SHROOM4: variants seen among roughly 807,000 people sequenced by gnomAD.
SHROOM4 encodes the protein shroom family member 4.
SHROOM4 carries 17 observed loss-of-function variants against 80.3 expected under a neutral mutation model. That is an observed-to-expected ratio of 0.21 (90% CI 0.14 to 0.32). The LOEUF (loss-of-function observed/expected upper bound fraction) is 0.32. Among genes scored for constraint, SHROOM4 ranks in the 10% least tolerant of loss-of-function variants. The probability of loss-of-function intolerance (pLI) is 1.00; values close to 1 mark genes in which losing one functional copy is unlikely to be tolerated. For synonymous variants in SHROOM4, 400 were observed against 437.5 expected, an observed-to-expected ratio of 0.91 and a Z score of 1.07; for missense variants, 993 against 1,140.3, an observed-to-expected ratio of 0.87 and a Z score of 1.86.
intron 1 of SHROOM4, among the ~76,000 whole-genome samples, chrX:50,785,016 C>G (rs182138042): frequency 8.9e-6 from 1 of 111,874 alleles, no homozygotes; most frequent in East Asian, 2.8e-4. Context: ...AAAAGATGCT[C>G]AACATCATTA....
intron 1 of SHROOM4, among the ~76,000 whole-genome samples, chrX:50,740,092 A>G (rs1266758947): frequency 4.1e-5 from 3 of 73,475 alleles, no homozygotes; most frequent in African/African-American, 1.6e-4. Context: ...ACAAAAAACC[A>G]AACACCGCAT....
intron 2 of SHROOM4, among the ~76,000 whole-genome samples, chrX:50,663,286 A>G (rs1557260106): frequency 8.9e-6 from 1 of 111,771 alleles, no homozygotes; most frequent in African/African-American, 3.2e-5. Context: ...TAAATCCTTA[A>G]AGGTCTGACT....
intron 1 of SHROOM4, among the ~76,000 whole-genome samples, chrX:50,754,149 T>C (rs782103434): frequency 6.2e-4 from 70 of 112,023 alleles, no homozygotes; most frequent in Non-Finnish European, 1.5e-4. Flanking sequence ...TTTCTTTACA[T>C]AACTGCTAAT....
At chrX:50,734,605 G>A (rs1934440983) in intron 1 of SHROOM4, among the ~76,000 whole-genome samples, 1 of 110,349 alleles carries the variant, frequency 9.1e-6, no homozygotes, top group South Asian at 3.9e-4. Context: ...AGTACAAACG[G>A]GGTTTCACCA....
chrX:50,649,804 C>G (rs782635618), intron 2 of SHROOM4: 3 of 112,404 alleles, frequency 2.7e-5, no homozygotes, highest in African/African-American at 9.7e-5. Flanking sequence ...GAATTACACA[C>G]TTGAAATAGT....
chrX:50,790,075 G>T (rs1330000409), intron 1 of SHROOM4, among the ~76,000 whole-genome samples: 2 of 111,888 alleles, frequency 1.8e-5, no homozygotes, highest in Non-Finnish European at 3.8e-5. Flanking sequence ...GCTAAACATA[G>T]AAAAAGTATA....
chrX:50,602,509 G>A, intron 7 of SHROOM4, 124 bp downstream of exon 7: 1 of 685,652 alleles, frequency 1.5e-6, no homozygotes, highest in Non-Finnish European at 2.4e-6. Flanking sequence ...CAGAGAGGCT[G>A]TATGGTTTCC....
chrX:50,721,797 G>A (rs895845039), intron 1 of SHROOM4, among the ~76,000 whole-genome samples: 2 of 111,744 alleles, frequency 1.8e-5, no homozygotes, highest in Non-Finnish European at 3.8e-5. Flanking sequence ...TCCAGGCTTT[G>A]CAGCATCTAC....
chrX:50,652,202 G>A (rs1194631820), intron 2 of SHROOM4, among the ~76,000 whole-genome samples: 1 of 111,886 alleles, frequency 8.9e-6, no homozygotes, highest in Non-Finnish European at 1.9e-5. Context: ...CCCACCAACA[G>A]CGTAAAAGCA....
At chrX:50,604,910 A>G (rs781828985) in intron 6 of SHROOM4, among the ~76,000 whole-genome samples, 1 of 112,507 alleles carries the variant, frequency 8.9e-6, no homozygotes, top group East Asian at 2.8e-4. Flanking sequence ...ATAATACTTA[A>G]TTATTCCACT....
At chrX:50,796,250 G>C (rs1557272106) in intron 1 of SHROOM4, among the ~76,000 whole-genome samples, 3 of 111,971 alleles carry the variant, frequency 2.7e-5, no homozygotes, top group Non-Finnish European at 5.6e-5. Flanking sequence ...GTTATTAATG[G>C]CACTCAGGCA....
intron 1 of SHROOM4, among the ~76,000 whole-genome samples, chrX:50,772,468 T>C (rs1348151391): frequency 1.8e-5 from 2 of 111,707 alleles, no homozygotes; most frequent in South Asian, 3.8e-4. Context: ...GAGGTTTCTG[T>C]TGACTCCAAA....
intron 2 of SHROOM4, among the ~76,000 whole-genome samples, chrX:50,676,349 T>A (rs1329366823): frequency 9.0e-6 from 1 of 110,968 alleles, no homozygotes; most frequent in African/African-American, 3.3e-5. Flanking sequence ...TCTTCTTGTC[T>A]TACAAAACAA....
chrX:50,579,016 T>C, the SHROOM4 span, among the ~76,000 whole-genome samples: 1 of 111,785 alleles, frequency 8.9e-6, no homozygotes, highest in Non-Finnish European at 1.9e-5. Flanking sequence ...TTTTAAACAT[T>C]ATCAAAGTGA....
downstream of SHROOM4, among the ~76,000 whole-genome samples, chrX:50,583,038 G>A (rs1160760489): frequency 3.7e-5 from 4 of 108,132 alleles, no homozygotes; most frequent in Non-Finnish European, 5.7e-5. Flanking sequence ...AAAATATATA[G>A]AACATAAGAG....
At chrX:50,762,013 C>T (rs782365854) in intron 1 of SHROOM4, among the ~76,000 whole-genome samples, 1 of 111,722 alleles carries the variant, frequency 9.0e-6, no homozygotes, top group Non-Finnish European at 1.9e-5. Flanking sequence ...TTTATACTAA[C>T]TTAATTACAG....
chrX:50,678,297 ATG>A (rs1206946959), intron 2 of SHROOM4, among the ~76,000 whole-genome samples: 1 of 111,221 alleles, frequency 9.0e-6, no homozygotes, highest in Admixed American at 9.6e-5. Flanking sequence ...ATCTCATTCT[ATG>A]CAATTCCTCT....
chrX:50,747,825 G>A (rs923270582), intron 1 of SHROOM4, among the ~76,000 whole-genome samples: 3 of 112,054 alleles, frequency 2.7e-5, no homozygotes, highest in Non-Finnish European at 5.6e-5. Flanking sequence ...GAGAAGGGGG[G>A]AACATTAATT....
Position 50,648,811 on chromosome X carries a change from A to G in SHROOM4, c.270-10503T>C, listed in dbSNP as rs190736547. On this transcript the variant is annotated intron_variant, in intron 2 of 8. Coordinates refer to ENST00000376020, the MANE Select transcript of SHROOM4 (RefSeq NM_020717.5). ...GAGGAAGTGAAATTAGAATGATTCAAGAGCATGGTGGGCCTTAAGAGTCAA... is the reference window on the plus strand; with the variant it reads ...GAGGAAGTGAAATTAGAATGATTCAGGAGCATGGTGGGCCTTAAGAGTCAA... Among the ~76,000 whole-genome samples, 7 of 112,526 alleles carry G rather than the reference A, an allele frequency of 6.2e-5. No individual in the cohort carries two copies. In the Admixed American group the frequency reaches 6.6e-4, roughly 11 times the overall value.
Sources: allele counts gnomAD v4.1 joint callset (sites outside exome capture counted in the v4.1 genomes callset), GRCh38; gene constraint gnomAD v4.1.1; transcripts MANE v1.5; gene names NCBI Gene and HGNC (gene_info 2026-07-23, HGNC 2026-07-21).